C10orf67: variants seen among roughly 807,000 people sequenced by gnomAD.
C10orf67 encodes uncharacterized protein C10orf67, mitochondrial.
A neutral mutation model predicts 35.6 loss-of-function variants in C10orf67; 60 were observed. The ratio of observed to expected loss-of-function variants is 1.68; its 90% CI spans 1.37 to 2.09. The LOEUF (loss-of-function observed/expected upper bound fraction) is 2.09. C10orf67 is among the 30% of genes most tolerant of loss of function. The probability of loss-of-function intolerance (pLI) is 0.00; values close to 1 mark genes in which losing one functional copy is unlikely to be tolerated. For missense variants in C10orf67, 474 were observed against 330.2 expected (o/e 1.44, Z -3.38); for synonymous variants, 167 against 115.8 (o/e 1.44, Z -2.84).
chr10:23,322,259 TATTA>T (rs5783834), intron 3 of C10orf67, 131 bp downstream of exon 3: 261,594 of 865,572 alleles, frequency 0.3, 47,900 homozygotes, highest in East Asian at 0.7. Context: ...AAGCTCTGTG[TATTA>T]ATTACCACAT....
rs373616706 is a variant in C10orf67 at position 23,235,285 on chromosome 10, G to A, written c.1434+4444C>T. On this transcript the variant is annotated intron_variant, in intron 13 of 15. Transcript: ENST00000636213. ...ATACAGAATGTGAGATATTGTCACA[G>A]ACACAGAGAATACAATCTGCCACAG... Among the ~76,000 whole-genome samples, 10 of 152,212 alleles carry A rather than the reference G, an allele frequency of 6.6e-5. No individual in the cohort carries two copies. In the East Asian group the frequency reaches 9.6e-4, roughly 15 times the overall value.
intron 13 of C10orf67, among the ~76,000 whole-genome samples, chr10:23,237,464 G>T (rs902200779): frequency 6.6e-6 from 1 of 152,156 alleles, no homozygotes; most frequent in African/African-American, 2.4e-5. Context: ...ATTTGTAAGA[G>T]AATGTTTATA....
At chr10:23,233,554 T>C (rs1265282569) in intron 13 of C10orf67, among the ~76,000 whole-genome samples, 3 of 152,224 alleles carry the variant, frequency 2.0e-5, no homozygotes, top group Non-Finnish European at 4.4e-5. Flanking sequence ...TAAGTATAAA[T>C]AATTGCTATT....
At chr10:23,211,474 TGTGTGGGGGGGG>T (rs983079421) in intron 15 of C10orf67, among the ~76,000 whole-genome samples, 4 of 120,120 alleles carry the variant, frequency 3.3e-5, no homozygotes, top group Non-Finnish European at 5.1e-5. Flanking sequence ...TGTGTGTGTG[TGTGTGGGGGGGG>T]GGGGTATCAC....
rs1006327875 is a variant in C10orf67, at chr10:23,203,464, T to G, written c.*709A>C. 6.6e-6 allele frequency: 1 copy of G among 152,230 alleles called. No homozygotes were observed. The allele number at this position is 152,230 out of a possible 1,614,324, so 9.4% of individuals were successfully genotyped here. ...CAGAGCCTACGATTCAGATACAGGC[T>G]CTTAACAAGGCCTTACTTGTAGTTA... On this transcript the variant is annotated 3_prime_UTR_variant, in exon 16 of 16. Coordinates refer to ENST00000636213, the MANE Select transcript of C10orf67 (RefSeq NM_001371909.1).
chr10:23,322,515 T>C lies in C10orf67; in HGVS notation c.350A>G (p.Asp117Gly), dbSNP rs772439612. 23 of 1,609,966 alleles carry C rather than the reference T, an allele frequency of 1.4e-5. No individual in the cohort carries two copies. Among genetic ancestry groups the C allele is most frequent in the Non-Finnish European group, 1.7e-5 (20 of 1,177,100 alleles). The change falls in exon 3 of 16, where the codon GAT (aspartate) becomes GGT (glycine). Residue 117 changes from aspartate to glycine, a missense_variant. Transcript: ENST00000636213. The part of the protein sequence containing the change: ...LAQMMKSLQV[D>G]FGFLKQLLQL... ...AAGCAATTGTTTGAGGAACCCAAAA[T>C]CTACCTGGAGGGATTTCATCATCTA...
intron 4 of C10orf67, among the ~76,000 whole-genome samples, chr10:23,307,639 C>T (rs1447262684): frequency 5.6e-5 from 8 of 143,750 alleles, no homozygotes; most frequent in African/African-American, 2.1e-4. Context: ...GACAGGGTCT[C>T]ACTCTCACCC....
chr10:23,342,542 G>A (rs1588719767), intron 1 of C10orf67, among the ~76,000 whole-genome samples: 1 of 152,082 alleles, frequency 6.6e-6, no homozygotes, highest in Non-Finnish European at 1.5e-5. Context: ...CGGCACCATC[G>A]GTCTGCTCTT....
intron 13 of C10orf67, among the ~76,000 whole-genome samples, chr10:23,238,277 C>T (rs1251378777): frequency 6.6e-6 from 1 of 152,222 alleles, no homozygotes; most frequent in African/African-American, 2.4e-5. Flanking sequence ...CACACATTCA[C>T]TTGCTTACTC....
intron 4 of C10orf67, among the ~76,000 whole-genome samples, chr10:23,313,524 A>G (rs189197255): frequency 1.6e-4 from 24 of 152,338 alleles, no homozygotes; most frequent in Admixed American, 3.9e-4. Flanking sequence ...TGGGAGAAGA[A>G]TACAAAGATG....
rs1400191124 is a variant in C10orf67 at position 23,267,198 on chromosome 10, T to C, written c.1032A>G (p.Val344=). 2.8e-6 allele frequency: 2 copies of C among 714,378 alleles called. No homozygotes were observed. The highest frequency in any genetic ancestry group is 4.1e-5 in the Admixed American group (2 of 49,330). The allele number at this position is 714,378 out of a possible 1,614,324, so 44.3% of individuals were successfully genotyped here. ...EMRKKYGSLS[V]KVARSAKGRE... Reference sequence around the variant, plus strand: ...GAGAAAAAACTTAAATACAAACCTTTACACTTAAGCTGCCATACTTTTTTC... The same window carrying C: ...GAGAAAAAACTTAAATACAAACCTTCACACTTAAGCTGCCATACTTTTTTC... Residue 344 remains valine, a synonymous_variant, in exon 9 of 16, where the codon GTA becomes GTG. Transcript: ENST00000636213.
intron 12 of C10orf67, among the ~76,000 whole-genome samples, chr10:23,243,101 A>G (rs988947295): frequency 4.6e-5 from 7 of 152,210 alleles, no homozygotes; most frequent in African/African-American, 1.7e-4. Flanking sequence ...GCATTACTAA[A>G]GATAAAAGCA....
At chr10:23,218,276 G>A (rs1389694791) in intron 15 of C10orf67, among the ~76,000 whole-genome samples, 1 of 151,280 alleles carries the variant, frequency 6.6e-6, no homozygotes, top group African/African-American at 2.4e-5. Context: ...TAGTAGCTGG[G>A]ACTACAGGTT....
intron 1 of C10orf67, 36 bp from the exon 2 acceptor site, chr10:23,333,218 T>C (rs373885354): frequency 5.8e-6 from 9 of 1,538,876 alleles, no homozygotes; most frequent in South Asian, 2.4e-5. Context: ...CTTTAAGTCA[T>C]AGATATTTTC....
At position 23,311,723 on chromosome 10, in the gene C10orf67, A is replaced by AAAAAG. The variant is rs150728967; in HGVS notation, c.547-8265_547-8264insCTTTT. On this transcript the variant is annotated intron_variant, in intron 4 of 15. Coordinates refer to ENST00000636213, the MANE Select transcript of C10orf67 (RefSeq NM_001371909.1). ...CGAAACTCCATCTCAAAGAAAAAAA[A>AAAAAG]AAAGAAATTCTAGCTTGGGTTCAGT... 3.5e-3 allele frequency among the ~76,000 whole-genome samples: 533 copies of AAAAAG among 151,124 alleles called. 15 individuals carry two copies. In the East Asian group the frequency reaches 0.05, roughly 14 times the overall value.
At chr10:23,251,039 G>C (rs572548546) in intron 10 of C10orf67, among the ~76,000 whole-genome samples, 26 of 152,306 alleles carry the variant, frequency 1.7e-4, no homozygotes, top group African/African-American at 6.0e-4. Context: ...CGAAGCTGCA[G>C]TGAGCTGTGA....
chr10:23,298,549 A>G (rs1436304349), intron 5 of C10orf67, among the ~76,000 whole-genome samples: 3 of 152,194 alleles, frequency 2.0e-5, no homozygotes, highest in African/African-American at 4.8e-5. Context: ...ATTAGTGTAT[A>G]TAATGGTCTG....
At chr10:23,319,868 A>G (rs1254774579) in intron 4 of C10orf67, among the ~76,000 whole-genome samples, 2 of 152,210 alleles carry the variant, frequency 1.3e-5, no homozygotes, top group Non-Finnish European at 2.9e-5. Context: ...GGAAGAATCT[A>G]GCACTTTGGC....
At chr10:23,281,610 A>T (rs1207080675) in intron 8 of C10orf67, among the ~76,000 whole-genome samples, 1 of 152,184 alleles carries the variant, frequency 6.6e-6, no homozygotes, top group Admixed American at 6.5e-5. Context: ...GTGTTTTCTT[A>T]TGAGACTAAC....
Sources: gnomAD v4.1 joint callset for allele counts (sites outside exome capture counted in the v4.1 genomes callset) on GRCh38, gnomAD v4.1.1 for gene constraint, MANE v1.5 for transcripts, NCBI Gene and HGNC (gene_info 2026-07-23, HGNC 2026-07-21) for gene names.